The following TUSC3 variants were observed in gnomAD, a reference collection of about 807,000 sequenced individuals.
TUSC3 encodes the protein tumor suppressor candidate 3.
TUSC3 carries 45 observed loss-of-function variants against 44.8 expected under a neutral mutation model. The observed-to-expected ratio is 1.00, with a 90% CI of 0.79 to 1.29. The LOEUF is 1.29. Among genes scored for constraint, TUSC3 ranks in the 50% most tolerant of loss-of-function variants. The pLI, the probability that TUSC3 is intolerant of heterozygous loss-of-function variation, is 0.00. For missense variants in TUSC3, 519 were observed against 437.9 expected (o/e 1.19, Z -1.65); for synonymous variants, 212 against 152.9 (o/e 1.39, Z -2.85).
chr8:15,617,134 A>ATGTG (rs1563135988), intron 1 of TUSC3, among the ~76,000 whole-genome samples: 3 of 107,922 alleles, frequency 2.8e-5, no homozygotes, highest in African/African-American at 1.4e-4. Flanking sequence ...GTGTGTGTGT[A>ATGTG]TATATTTTTT....
chr8:15,662,333 C>T (rs191160023), intron 5 of TUSC3, 37 bp downstream of exon 5: 1 of 1,610,446 alleles, frequency 6.2e-7, no homozygotes, highest in African/African-American at 1.3e-5. Flanking sequence ...ATTTCCTGTT[C>T]TTTGTGTAAT....
chr8:15,507,340 A>C (rs1051345013), intron 2 of TUSC3, among the ~76,000 whole-genome samples: 14 of 152,158 alleles, frequency 9.2e-5, no homozygotes, highest in Non-Finnish European at 1.8e-4. Context: ...TTATTTTTTC[A>C]GCTATCTCTC....
intron 2 of TUSC3, among the ~76,000 whole-genome samples, chr8:15,513,610 T>C (rs965973819): frequency 6.6e-6 from 1 of 152,170 alleles, no homozygotes; most frequent in Admixed American, 6.5e-5. Context: ...TGACGGTAGA[T>C]TTAATGGTGG....
At chr8:15,704,717 C>T (rs938717209) in intron 6 of TUSC3, among the ~76,000 whole-genome samples, 3 of 151,828 alleles carry the variant, frequency 2.0e-5, no homozygotes, top group Non-Finnish European at 4.4e-5. Context: ...CCCTCTTTTT[C>T]CTTTCTGCAG....
In TUSC3 at chr8:15,662,263, C is replaced by T. The variant is rs764840600; in HGVS notation, c.675C>T (p.Ile225=). 1 of 1,613,028 alleles carries T rather than the reference C, an allele frequency of 6.2e-7. No individual in the cohort carries two copies. Among genetic ancestry groups the T allele is most frequent in the Non-Finnish European group, 8.5e-7 (1 of 1,179,264 alleles). Reference sequence around the variant, plus strand: ...TGAGAAGGAACAACTTGGAGTTCATCTATAACAAGACTGGTTGGGCCATGG... The same window carrying T: ...TGAGAAGGAACAACTTGGAGTTCATTTATAACAAGACTGGTTGGGCCATGG... ...LYLRRNNLEF[I]YNKTGWAMVS... is the part of the protein sequence containing the mutation. Residue 225 remains isoleucine (I), a synonymous_variant, in exon 5 of 11, where the codon ATC becomes ATT. Coordinates refer to ENST00000503731, the MANE Select transcript of TUSC3 (RefSeq NM_006765.4).
the TUSC3 span, among the ~76,000 whole-genome samples, chr8:15,796,705 C>G: frequency 6.6e-6 from 1 of 152,200 alleles, no homozygotes; most frequent in East Asian, 1.9e-4. Flanking sequence ...GACAAAGTTT[C>G]TACCAAAAAG....
At chr8:15,623,004 T>C in intron 1 of TUSC3, 76 bp from the exon 2 acceptor site, 1 of 1,425,306 alleles carries the variant, frequency 7.0e-7, no homozygotes, top group Non-Finnish European at 9.7e-7. Flanking sequence ...AAATAAAACA[T>C]TTTATGCATT....
At chr8:15,701,007 T>C (rs903087718) in intron 6 of TUSC3, among the ~76,000 whole-genome samples, 18 of 151,980 alleles carry the variant, frequency 1.2e-4, no homozygotes, top group African/African-American at 3.4e-4. Context: ...AATCTTCTTA[T>C]GTTTGTTTTA....
intron 1 of TUSC3, among the ~76,000 whole-genome samples, chr8:15,562,268 G>T (rs12549184): frequency 0.8 from 122,218 of 152,016 alleles, 49,779 homozygotes; most frequent in Non-Finnish European, 0.87. Context: ...ATTCGTGGAT[G>T]GTATATAAGA....
At chr8:15,684,434 C>T (rs1363314617) in intron 6 of TUSC3, among the ~76,000 whole-genome samples, 1 of 152,122 alleles carries the variant, frequency 6.6e-6, no homozygotes, top group Non-Finnish European at 1.5e-5. Flanking sequence ...CCTGGCAGCC[C>T]AAGAGGCTTG....
At chr8:15,512,834 G>A (rs7460639) in intron 2 of TUSC3, among the ~76,000 whole-genome samples, 11 of 78,992 alleles carry the variant, frequency 1.4e-4, no homozygotes, top group Admixed American at 4.2e-4. Flanking sequence ...GTGTGTGTGT[G>A]TATATATATT....
intron 7 of TUSC3, among the ~76,000 whole-genome samples, chr8:15,732,251 C>T (rs1810752770): frequency 6.6e-6 from 1 of 152,148 alleles, no homozygotes; most frequent in African/African-American, 2.4e-5. Context: ...ATAATCCCCA[C>T]TTGTCATGGG....
rs1165342016 is a variant in TUSC3 at position 15,765,326 on chromosome 8, G to C, written c.*1170G>C. ...TCCAAATTAATTAGGGTTTAGGAAAGCAGTTCTTCTTGAGTCAGTTCAATA... is the reference window on the plus strand; with the variant it reads ...TCCAAATTAATTAGGGTTTAGGAAACCAGTTCTTCTTGAGTCAGTTCAATA... On this transcript the variant is annotated 3_prime_UTR_variant, in exon 11 of 11. Coordinates refer to ENST00000503731, the MANE Select transcript of TUSC3 (RefSeq NM_006765.4). 1 of 151,966 alleles carries C rather than the reference G, an allele frequency of 6.6e-6. No homozygotes were observed. Among genetic ancestry groups the C allele is most frequent in the Non-Finnish European group, 1.5e-5 (1 of 67,922 alleles). The allele number at this position is 151,966 out of a possible 1,614,324, so 9.4% of individuals were successfully genotyped here.
At chr8:15,685,858 GT>G (rs34405336) in intron 6 of TUSC3, among the ~76,000 whole-genome samples, 1,621 of 145,072 alleles carry the variant, frequency 0.011, 11 homozygotes, top group Middle Eastern at 0.036. Flanking sequence ...TAGTTCTTAG[GT>G]TTTTTTTTTT....
At chr8:15,514,715 A>G (rs903311553) in intron 2 of TUSC3, among the ~76,000 whole-genome samples, 1 of 151,668 alleles carries the variant, frequency 6.6e-6, no homozygotes, top group Non-Finnish European at 1.5e-5. Flanking sequence ...TATTCACTTT[A>G]TTTATTTTAT....
At chr8:15,532,823 G>A (rs1039868351) in intron 2 of TUSC3, among the ~76,000 whole-genome samples, 5 of 152,050 alleles carry the variant, frequency 3.3e-5, no homozygotes, top group Admixed American at 6.5e-5. Context: ...AGACAGTTTC[G>A]CTCTTGTTGC....
At chr8:15,442,820 C>T (rs1800038350) in intron 1 of TUSC3, among the ~76,000 whole-genome samples, 2 of 152,288 alleles carry the variant, frequency 1.3e-5, no homozygotes, top group Non-Finnish European at 2.9e-5. Flanking sequence ...CCCTACTAGA[C>T]CTCAGCCTTG....
chr8:15,579,201 C>T (rs1192512015), intron 1 of TUSC3, among the ~76,000 whole-genome samples: 2 of 146,798 alleles, frequency 1.4e-5, no homozygotes, highest in African/African-American at 2.5e-5. Flanking sequence ...TTTGATTCTT[C>T]TCTCTTTTTT....
the TUSC3 span, among the ~76,000 whole-genome samples, chr8:15,803,760 G>C: frequency 1.3e-5 from 2 of 151,868 alleles, no homozygotes; most frequent in African/African-American, 2.4e-5. Context: ...CCCTGTGTCT[G>C]TGTTGTTCAA....
Sources: allele counts gnomAD v4.1 joint callset (sites outside exome capture counted in the v4.1 genomes callset), GRCh38; gene constraint gnomAD v4.1.1; transcripts MANE v1.5; gene names NCBI Gene and HGNC (gene_info 2026-07-23, HGNC 2026-07-21).